TTLL5: variants seen among roughly 807,000 people sequenced by gnomAD.
TTLL5 encodes tubulin polyglutamylase TTLL5.
A neutral mutation model predicts 168.4 loss-of-function variants in TTLL5; 132 were observed. The ratio of observed to expected loss-of-function variants is 0.78; its 90% confidence interval spans 0.68 to 0.91. The LOEUF (loss-of-function observed/expected upper bound fraction) is 0.91. Ranked by LOEUF, TTLL5 falls within the 40% of genes least tolerant of loss-of-function variation. The pLI, the probability that TTLL5 is intolerant of heterozygous loss-of-function variation, is 0.00. For missense variants in TTLL5, 1,545 were observed against 1,581.5 expected (o/e 0.98, Z 0.39); for synonymous variants, 546 against 558.6 (o/e 0.98, Z 0.32).
At chr14:75,864,206 T>C (rs2030310403) in intron 29 of TTLL5, among the ~76,000 whole-genome samples, 2 of 152,242 alleles carry the variant, frequency 1.3e-5, no homozygotes, top group South Asian at 4.1e-4. Context: ...TGAAAGCTTG[T>C]ATTTTAAGCA....
intron 31 of TTLL5, chr14:75,903,966 C>A: frequency 2.4e-6 from 1 of 410,482 alleles, no homozygotes; most frequent in Non-Finnish European, 3.4e-6. Flanking sequence ...TCTCATAAGG[C>A]TTATAGTAAG....
At chr14:75,773,925 T>TAGAGAGAGAGAGAG (rs1341418983) in intron 21 of TTLL5, among the ~76,000 whole-genome samples, 9 of 26,274 alleles carry the variant, frequency 3.4e-4, no homozygotes, top group African/African-American at 7.8e-4. Context: ...TATATATATA[T>TAGAGAGAGAGAGAG]ATAGAGAGAG....
At chr14:75,935,600 T>C (rs2034412187) in intron 31 of TTLL5, among the ~76,000 whole-genome samples, 1 of 152,246 alleles carries the variant, frequency 6.6e-6, no homozygotes. Context: ...TGGATATTTC[T>C]ATGGATTACC....
intron 13 of TTLL5, 133 bp downstream of exon 13, chr14:75,732,552 T>C (rs985927470): frequency 2.8e-6 from 2 of 704,320 alleles, no homozygotes; most frequent in African/African-American, 3.6e-5. Context: ...TAACCAGACT[T>C]TCTTAAATCA....
chr14:75,892,100 T>C (rs888548346), intron 30 of TTLL5, among the ~76,000 whole-genome samples: 5 of 152,200 alleles, frequency 3.3e-5, no homozygotes, highest in African/African-American at 1.2e-4. Context: ...TCAACACTAA[T>C]AACTCTAAAG....
chr14:75,756,484 A>G (rs968149381), intron 18 of TTLL5, among the ~76,000 whole-genome samples: 1 of 148,764 alleles, frequency 6.7e-6, no homozygotes, highest in African/African-American at 2.5e-5. Context: ...ACACACGTAC[A>G]TAAATGAGTA....
chr14:75,708,100 C>G (rs1263298850), intron 9 of TTLL5, among the ~76,000 whole-genome samples: 1 of 152,110 alleles, frequency 6.6e-6, no homozygotes, highest in African/African-American at 2.4e-5. Flanking sequence ...CTGTATTTGC[C>G]TATTATATGC....
intron 28 of TTLL5, among the ~76,000 whole-genome samples, chr14:75,823,288 G>C (rs917149351): frequency 1.3e-5 from 2 of 152,166 alleles, no homozygotes; most frequent in African/African-American, 2.4e-5. Context: ...AAGTCATTAG[G>C]AGCTGAAAGT....
chr14:75,948,452 T>G (rs762134968), intron 31 of TTLL5, among the ~76,000 whole-genome samples: 1 of 151,938 alleles, frequency 6.6e-6, no homozygotes, highest in African/African-American at 2.4e-5. Context: ...GCCATTGCAC[T>G]GCAGCCTGGG....
intron 7 of TTLL5, among the ~76,000 whole-genome samples, chr14:75,702,100 G>A (rs553752387): frequency 3.6e-4 from 55 of 152,318 alleles, no homozygotes; most frequent in African/African-American, 1.1e-3. Context: ...AAACAGTACC[G>A]TAAACAATGA....
chr14:75,765,727 G>A (rs1382045418), intron 19 of TTLL5, among the ~76,000 whole-genome samples: 1 of 152,104 alleles, frequency 6.6e-6, no homozygotes, highest in Non-Finnish European at 1.5e-5. Flanking sequence ...GCTGGGTATG[G>A]TAACATGTGC....
intron 28 of TTLL5, among the ~76,000 whole-genome samples, chr14:75,860,913 C>T (rs965365457): frequency 1.3e-5 from 2 of 152,190 alleles, no homozygotes; most frequent in African/African-American, 4.8e-5. Flanking sequence ...TGTCACTCAG[C>T]ACCCTGCTTT....
intron 3 of TTLL5, among the ~76,000 whole-genome samples, chr14:75,674,711 T>A (rs571447019): frequency 6.6e-6 from 1 of 152,278 alleles, no homozygotes; most frequent in East Asian, 1.9e-4. Flanking sequence ...CTGTAATTTG[T>A]CCCTGAATGT....
intron 12 of TTLL5, among the ~76,000 whole-genome samples, chr14:75,724,936 G>A (rs765506848): frequency 3.9e-5 from 6 of 152,170 alleles, no homozygotes; most frequent in Admixed American, 1.3e-4. Context: ...CAGGATGTTC[G>A]CTGCTCTTTA....
At chr14:75,685,437 A>G (rs1884975177) in intron 5 of TTLL5, among the ~76,000 whole-genome samples, 1 of 152,034 alleles carries the variant, frequency 6.6e-6, no homozygotes, top group African/African-American at 2.4e-5. Flanking sequence ...TTTACCATTC[A>G]TCATATTCTT....
chr14:75,711,311 AG>A (rs1461294567), intron 9 of TTLL5: 1 of 152,152 alleles, frequency 6.6e-6, no homozygotes, highest in Non-Finnish European at 1.5e-5. Context: ...TTGCACCACC[AG>A]GGGACACTCA....
rs763629903 is a variant in TTLL5, at chr14:75,766,275, A to G, written c.1922A>G (p.Asn641Ser). ...AATTCCATGAAAGTTCGTGAATGGA[A>G]TAATAAAGGTGGACACTGCTGCAAA... ...KENSMKVREW[N>S]NKGGHCCKLE... The change falls in exon 20 of 32, where the codon AAT becomes AGT. Residue 641 changes from asparagine (N) to serine (S), a missense_variant. Physicochemically the swap from Asn to Ser is conservative, Grantham distance 46. Coordinates refer to ENST00000298832, the MANE Select transcript of TTLL5 (RefSeq NM_015072.5). 11 of 1,614,122 alleles carry G rather than the reference A, an allele frequency of 6.8e-6. No individual in the cohort carries two copies. In the South Asian group the frequency reaches 7.7e-5, roughly 11 times the overall value.
intron 9 of TTLL5, among the ~76,000 whole-genome samples, chr14:75,717,367 G>A (rs1455272129): frequency 2.0e-5 from 3 of 152,034 alleles, no homozygotes; most frequent in Admixed American, 1.3e-4. Context: ...CTCCTGCCTC[G>A]GCCTCCCAAA....
At chr14:75,708,025 T>C (rs923232050) in intron 9 of TTLL5, among the ~76,000 whole-genome samples, 1 of 152,258 alleles carries the variant, frequency 6.6e-6, no homozygotes, top group Non-Finnish European at 1.5e-5. Flanking sequence ...ATGAAGCTCC[T>C]AGGATATTAA....
Sources: allele counts gnomAD v4.1 joint callset (sites outside exome capture counted in the v4.1 genomes callset), GRCh38; gene constraint gnomAD v4.1.1; transcripts MANE v1.5; gene names NCBI Gene and HGNC (gene_info 2026-07-23, HGNC 2026-07-21).